MPZL2: variants seen among roughly 807,000 people sequenced by gnomAD.
The protein encoded by MPZL2 is myelin protein zero like 2.
A neutral mutation model predicts 24.5 loss-of-function variants in MPZL2; 32 were observed. The observed-to-expected ratio is 1.31, with a 90% CI of 0.99 to 1.76. The LOEUF (loss-of-function observed/expected upper bound fraction) is 1.76. MPZL2 is among the 40% of genes most tolerant of loss of function. The pLI is 0.00. For missense variants in MPZL2, 304 were observed against 274.9 expected (o/e 1.11, Z -0.75); for synonymous variants, 92 against 97.9 (o/e 0.94, Z 0.36).
rs748123306 is a variant in MPZL2 at position 118,264,131 on chromosome 11, C to T, written c.23G>A (p.Arg8His). 1.2e-6 allele frequency: 2 copies of T among 1,613,974 alleles called. No homozygotes were observed. Among genetic ancestry groups the T allele is most frequent in the Non-Finnish European group, 1.7e-6 (2 of 1,180,032 alleles). Residue 8 changes from arginine to histidine, a missense_variant, in exon 1 of 6, where the codon CGT becomes CAT. By Grantham distance (29) the Arg-to-His change is conservative (BLOSUM62 0). Coordinates refer to ENST00000278937, the MANE Select transcript of MPZL2 (RefSeq NM_005797.4). Reference protein sequence around the residue: MYGKSSTRAVLLLLGIQL... With the variant: MYGKSSTHAVLLLLGIQL... The stretch of plus-strand genomic sequence containing the variant: ...TATGCCAAGGAGAAGAAGCACCGCA[C>T]GAGTAGAGCTCTTGCCATACATGAG...
intron 4 of MPZL2, among the ~76,000 whole-genome samples, chr11:118,259,011 T>TAAAAAAAAA (rs142437720): frequency 1.6e-5 from 2 of 124,130 alleles, no homozygotes; most frequent in Non-Finnish European, 1.6e-5. Context: ...ACGGTTATGA[T>TAAAAAAAAA]TAAAAAAAAA....
chr11:118,263,821 C>G (rs900431070), intron 1 of MPZL2, among the ~76,000 whole-genome samples: 1 of 152,114 alleles, frequency 6.6e-6, no homozygotes, highest in Non-Finnish European at 1.5e-5. Flanking sequence ...AGGTTGAGAA[C>G]AGCCACACAC....
At position 118,263,089 on chromosome 11, in the gene MPZL2, G is replaced by T; in HGVS notation, c.67C>A (p.Pro23Thr). Residue 23 changes from proline to threonine, a missense_variant, in exon 2 of 6, where the codon CCT (proline) becomes ACT (threonine). Pro to Thr is a conservative substitution (Grantham distance 38, BLOSUM62 -1). Coordinates refer to ENST00000278937, the MANE Select transcript of MPZL2 (RefSeq NM_005797.4). ...LLGIQLTALW[P>T]IAAVEIYTSR... ...GTATAAATTTCCACAGCTGCTATAG[G>T]CCAAAGAGCTGCAATGAAAAAGAAG... 1 of 1,613,040 alleles carries T rather than the reference G, an allele frequency of 6.2e-7. No individual in the cohort carries two copies. The highest frequency in any genetic ancestry group is 8.5e-7 in the Non-Finnish European group (1 of 1,179,700).
chr11:118,257,189 G>T, intron 5 of MPZL2, 49 bp downstream of exon 5: 1 of 1,372,770 alleles, frequency 7.3e-7, no homozygotes, highest in Non-Finnish European at 1.0e-6. Flanking sequence ...AGATGGGCTG[G>T]ACATGTCAGA....
chr11:118,262,825 C>A, intron 2 of MPZL2, 106 bp downstream of exon 2: 1 of 1,454,158 alleles, frequency 6.9e-7, no homozygotes, highest in Non-Finnish European at 9.4e-7. Context: ...CCGAGCTTAA[C>A]CTTGTGCTTG....
Position 118,264,229 on chromosome 11 carries a change from G to A in MPZL2, c.-76C>T, listed in dbSNP as rs1336482509. ...TCCAACACCCTGCCAAGGCCACTCC[G>A]GGAGGAGCAAGCACCGCGTTTTCCC... On this transcript the variant is annotated 5_prime_UTR_variant, in exon 1 of 6. Coordinates refer to ENST00000278937, the MANE Select transcript of MPZL2 (RefSeq NM_005797.4). 2 of 1,428,410 alleles carry A rather than the reference G, an allele frequency of 1.4e-6. No homozygotes were observed. Among genetic ancestry groups the A allele is most frequent in the East Asian group, 4.6e-5 (2 of 43,922 alleles). 88.5% of individuals were successfully genotyped at this position (1,428,410 alleles called of 1,614,324 possible).
At position 118,255,101 on chromosome 11, in the gene MPZL2, G is replaced by T. The variant is rs1465320922; in HGVS notation, c.*145C>A. 1 of 152,190 alleles carries T rather than the reference G, an allele frequency of 6.6e-6. No homozygotes were observed. The highest frequency in any genetic ancestry group is 1.5e-5 in the Non-Finnish European group (1 of 68,030). The allele number at this position is 152,190 out of a possible 1,614,324, so 9.4% of individuals were successfully genotyped here. A position where few individuals can be genotyped will look rare whatever the true frequency, so the allele number is the denominator to read the frequency against. The stretch of plus-strand genomic sequence containing the variant: ...GGAGCACTGTGCTGGCTCCAGAGGG[G>T]TGTTGCTTGTCTAGAATCTAATATG... On this transcript the variant is annotated 3_prime_UTR_variant, in exon 6 of 6. Transcript: ENST00000278937.
At chr11:118,258,753 A>G (rs950792302) in intron 4 of MPZL2, among the ~76,000 whole-genome samples, 1 of 152,056 alleles carries the variant, frequency 6.6e-6, no homozygotes, top group Non-Finnish European at 1.5e-5. Context: ...TTCTCACAAA[A>G]TCTGGTCATA....
chr11:118,260,524 G>C (rs1191876291), intron 3 of MPZL2, among the ~76,000 whole-genome samples: 1 of 152,174 alleles, frequency 6.6e-6, no homozygotes, highest in Non-Finnish European at 1.5e-5. Context: ...AGGTCCTCCA[G>C]GTGATTCTGA....
rs1456383696 is a variant in MPZL2, at chr11:118,259,697, T to A, written c.584+357A>T. The A allele has an allele frequency of 1.8e-5, 3 of 164,126 alleles. 1 individual carries two copies. In the Admixed American group the frequency reaches 1.9e-4, roughly 10 times the overall value. 10.2% of individuals were successfully genotyped at this position (164,126 alleles called of 1,614,324 possible). ...AACACCTGCTATCAGCACAACAGAC[T>A]TTCCTAAGCCCTGACTCATAGTGGC... On this transcript the variant is annotated intron_variant, in intron 4 of 5. Coordinates refer to ENST00000278937, the MANE Select transcript of MPZL2 (RefSeq NM_005797.4).
intron 3 of MPZL2, among the ~76,000 whole-genome samples, chr11:118,260,717 C>CA (rs1274513842): frequency 1.3e-5 from 2 of 152,122 alleles, no homozygotes; most frequent in East Asian, 1.9e-4. Flanking sequence ...AATGCTGAGC[C>CA]AAAAAAGACA....
At chr11:118,257,361 G>A in intron 4 of MPZL2, 48 bp from the exon 5 acceptor site, 5 of 1,486,756 alleles carry the variant, frequency 3.4e-6, no homozygotes, top group Non-Finnish European at 4.7e-6. Context: ...CAAGAAGCAA[G>A]TGGGTAAATC....
intron 4 of MPZL2, among the ~76,000 whole-genome samples, chr11:118,258,025 C>T (rs1306140235): frequency 6.6e-6 from 1 of 150,894 alleles, no homozygotes; most frequent in Admixed American, 6.6e-5. Context: ...AAAAAAAAGG[C>T]TGTTTATTTC....
intron 4 of MPZL2, 49 bp downstream of exon 4, chr11:118,260,005 A>G (rs759303738): frequency 6.2e-7 from 1 of 1,604,820 alleles, no homozygotes; most frequent in South Asian, 1.1e-5. Context: ...CAAAATACCA[A>G]GAGTCGCCAT....
rs1036418891 is a variant in MPZL2, at chr11:118,253,663, T to C, written c.*1583A>G. 1.3e-5 allele frequency: 2 copies of C among 152,138 alleles called. No homozygotes were observed. Among genetic ancestry groups the C allele is most frequent in the East Asian group, 1.9e-4 (1 of 5,198 alleles). 9.4% of individuals were successfully genotyped at this position (152,138 alleles called of 1,614,324 possible). Reference sequence around the variant, plus strand: ...TCCAGGACATCTGTTTGAAGAAATATCCAGTTATAATATTTTCAAAGGTTA... The same window carrying C: ...TCCAGGACATCTGTTTGAAGAAATACCCAGTTATAATATTTTCAAAGGTTA... On this transcript the variant is annotated 3_prime_UTR_variant, in exon 6 of 6. Coordinates refer to ENST00000278937, the MANE Select transcript of MPZL2 (RefSeq NM_005797.4).
At position 118,260,133 on chromosome 11, in the gene MPZL2, C is replaced by T. The variant is rs771762641; in HGVS notation, c.505G>A (p.Val169Ile). Residue 169 changes from valine to isoleucine, a missense_variant, in exon 4 of 6, where the codon GTA (valine) becomes ATA (isoleucine). By Grantham distance (29) the Val-to-Ile change is conservative (BLOSUM62 3). Transcript: ENST00000278937. Reference protein sequence around the residue: ...GSACALMIIIVIVVVLFQHYR... With the variant: ...GSACALMIIIIIVVVLFQHYR... ...TGCTGGAAGAGGACCACTACAATTACTATTATGATCATCAGTGCACAGGCA... is the reference window on the plus strand; with the variant it reads ...TGCTGGAAGAGGACCACTACAATTATTATTATGATCATCAGTGCACAGGCA... 1.2e-6 allele frequency: 2 copies of T among 1,614,070 alleles called. No individual in the cohort carries two copies. Among genetic ancestry groups the T allele is most frequent in the South Asian group, 1.1e-5 (1 of 91,086 alleles).
chr11:118,256,433 C>T (rs1488085946), intron 5 of MPZL2, among the ~76,000 whole-genome samples: 2 of 152,106 alleles, frequency 1.3e-5, no homozygotes, highest in Admixed American at 6.5e-5. Flanking sequence ...GCAGGTGGAT[C>T]GCTTGAGCTC....
rs1243128430 is a variant in MPZL2, at chr11:118,257,508, CTT to C, written c.585-197_585-196del. On this transcript the variant is annotated intron_variant, in intron 4 of 5. Coordinates refer to ENST00000278937, the MANE Select transcript of MPZL2 (RefSeq NM_005797.4). ...ATATTCACACCTCTGAACTTAGAGA[CTT>C]TTCAGAATGTAAGGGAATACAGTTT... 19 of 450,142 alleles carry C rather than the reference CTT, an allele frequency of 4.2e-5. No individual in the cohort carries two copies. The East Asian group carries it at 6.6e-4, about 16-fold the overall frequency. The allele number at this position is 450,142 out of a possible 1,614,324, so 27.9% of individuals were successfully genotyped here. A position where few individuals can be genotyped will look rare whatever the true frequency, so the allele number is the denominator to read the frequency against.
At position 118,253,670 on chromosome 11, in the gene MPZL2, A is replaced by G. The variant is rs1270516469; in HGVS notation, c.*1576T>C. ...CATCTGTTTGAAGAAATATCCAGTT[A>G]TAATATTTTCAAAGGTTAGAATTGT... On this transcript the variant is annotated 3_prime_UTR_variant, in exon 6 of 6. Transcript: ENST00000278937. 6.6e-6 allele frequency: 1 copy of G among 152,186 alleles called. No individual in the cohort carries two copies. The highest frequency in any genetic ancestry group is 1.5e-5 in the Non-Finnish European group (1 of 67,996). 9.4% of individuals were successfully genotyped at this position (152,186 alleles called of 1,614,324 possible).
Sources: allele counts gnomAD v4.1 joint callset (sites outside exome capture counted in the v4.1 genomes callset), GRCh38; gene constraint gnomAD v4.1.1; transcripts MANE v1.5; gene names NCBI Gene and HGNC (gene_info 2026-07-23, HGNC 2026-07-21).